The following GPC3 variants were observed in gnomAD, a reference collection of about 807,000 sequenced individuals.
GPC3 encodes the protein glypican 3.
In GPC3, 3 loss-of-function variants were observed where a neutral mutation model predicts 34.4. The ratio of observed to expected loss-of-function variants is 0.09; its 90% CI spans 0.04 to 0.23. The LOEUF (loss-of-function observed/expected upper bound fraction) is 0.23. Among genes scored for constraint, GPC3 ranks in the 10% least tolerant of loss-of-function variants. The pLI is 1.00. For missense variants in GPC3, 351 were observed against 445.6 expected (o/e 0.79, Z 1.91); for synonymous variants, 177 against 174.0 (o/e 1.02, Z -0.13).
At chrX:133,948,882 G>A (rs751101802) in intron 2 of GPC3, among the ~76,000 whole-genome samples, 46 of 111,898 alleles carry the variant, frequency 4.1e-4, no homozygotes, top group Non-Finnish European at 5.1e-4. Context: ...CAGCCTTGTC[G>A]AGGTTAATGT....
At chrX:133,636,572 C>T in intron 6 of GPC3, among the ~76,000 whole-genome samples, 1 of 112,286 alleles carries the variant, frequency 8.9e-6, no homozygotes, top group Middle Eastern at 4.6e-3. Flanking sequence ...GAGACTGAGG[C>T]AGGAGAATCG....
chrX:133,678,794 A>C (rs1306459085), intron 5 of GPC3, among the ~76,000 whole-genome samples: 3 of 112,020 alleles, frequency 2.7e-5, no homozygotes, highest in Non-Finnish European at 5.6e-5. Flanking sequence ...GGGGTTTCTT[A>C]AATAGATAAG....
At chrX:133,837,596 A>T (rs1292952820) in intron 2 of GPC3, among the ~76,000 whole-genome samples, 1 of 111,688 alleles carries the variant, frequency 9.0e-6, no homozygotes, top group African/African-American at 3.3e-5. Flanking sequence ...GATTTGGAGT[A>T]ATAGTGATAA....
chrX:133,819,904 T>G (rs2075710974), intron 2 of GPC3, among the ~76,000 whole-genome samples: 1 of 112,322 alleles, frequency 8.9e-6, no homozygotes, highest in Non-Finnish European at 1.9e-5. Flanking sequence ...AGAATCTAGA[T>G]TCAAACCATA....
chrX:133,892,770 A>G (rs2076094020), intron 2 of GPC3, among the ~76,000 whole-genome samples: 1 of 110,665 alleles, frequency 9.0e-6, no homozygotes, highest in Admixed American at 9.7e-5. Flanking sequence ...AGGAAGGTGA[A>G]CAGGCAGTGT....
chrX:133,885,385 T>C (rs1043465169), intron 2 of GPC3, among the ~76,000 whole-genome samples: 31 of 111,815 alleles, frequency 2.8e-4, no homozygotes, highest in African/African-American at 9.7e-4. Context: ...AGAATGTAGA[T>C]AACAATCAGA....
chrX:133,766,854 A>C (rs2124490448), intron 2 of GPC3, among the ~76,000 whole-genome samples: 1 of 112,480 alleles, frequency 8.9e-6, no homozygotes, highest in East Asian at 2.8e-4. Context: ...AGGTATAATA[A>C]GAACTAGCAT....
intron 1 of GPC3, among the ~76,000 whole-genome samples, chrX:133,982,969 A>G (rs2076547982): frequency 8.9e-6 from 1 of 112,272 alleles, no homozygotes; most frequent in African/African-American, 3.2e-5. Context: ...AATACTGATG[A>G]GCTCTTTCCA....
At chrX:133,791,808 CCT>C (rs1403830549) in intron 2 of GPC3, among the ~76,000 whole-genome samples, 3 of 16,738 alleles carry the variant, frequency 1.8e-4, no homozygotes, top group Admixed American at 2.7e-3. Context: ...TTCCTTCCTT[CCT>C]TCCTTCCTTC....
intron 1 of GPC3, among the ~76,000 whole-genome samples, chrX:133,974,576 C>G (rs2076507374): frequency 9.0e-6 from 1 of 110,836 alleles, no homozygotes; most frequent in South Asian, 3.8e-4. Flanking sequence ...AAGTCTTTGG[C>G]AGGTTTTTTT....
intron 7 of GPC3, among the ~76,000 whole-genome samples, chrX:133,554,432 A>C (rs2069467167): frequency 9.1e-6 from 1 of 110,104 alleles, no homozygotes; most frequent in East Asian, 2.8e-4. Flanking sequence ...CTCGTCAAAG[A>C]ATTAGTATGT....
Position 133,842,362 on chromosome X carries a change from A to ATATATTATATTATAT in GPC3, c.338-88187_338-88186insATATAATATAATATA, listed in dbSNP as rs779329401. 2.6e-3 allele frequency among the ~76,000 whole-genome samples: 276 copies of ATATATTATATTATAT among 106,241 alleles called. 2 individuals are homozygous for ATATATTATATTATAT. The highest frequency in any genetic ancestry group is 8.9e-3 in the African/African-American group (260 of 29,221). 92.3% of individuals were successfully genotyped at this position (106,241 alleles called of 115,157 possible). A position where few individuals can be genotyped will look rare whatever the true frequency, so the allele number is the denominator to read the frequency against. On this transcript the variant is annotated intron_variant, in intron 2 of 7. Coordinates refer to ENST00000370818, the MANE Select transcript of GPC3 (RefSeq NM_004484.4). The stretch of plus-strand genomic sequence containing the variant: ...ATTAAATTTTTAAAAACTCCCCTAT[A>ATATATTATATTATAT]TATATTACATTATATTATATTATAT...
At chrX:133,658,448 G>T (rs997328913) in intron 6 of GPC3, among the ~76,000 whole-genome samples, 1 of 111,198 alleles carries the variant, frequency 9.0e-6, no homozygotes, top group African/African-American at 3.3e-5. Flanking sequence ...TTGAAATATG[G>T]GTAAATGCTA....
At chrX:133,818,522 G>A (rs1353569314) in intron 2 of GPC3, among the ~76,000 whole-genome samples, 1 of 111,714 alleles carries the variant, frequency 9.0e-6, no homozygotes. Flanking sequence ...CTGATCAGCT[G>A]TGTAATCCAA....
intron 1 of GPC3, among the ~76,000 whole-genome samples, chrX:133,962,070 T>C (rs895313581): frequency 9.0e-6 from 1 of 111,604 alleles, no homozygotes; most frequent in Non-Finnish European, 1.9e-5. Flanking sequence ...AAAGGGAAAA[T>C]TGAAGTGGTG....
At chrX:133,650,660 C>A (rs140177629) in intron 6 of GPC3, among the ~76,000 whole-genome samples, 5,270 of 111,035 alleles carry the variant, frequency 0.047, 319 homozygotes, top group African/African-American at 0.16. Flanking sequence ...AAACTGGAAA[C>A]GTTGTAGTCT....
At chrX:133,615,513 C>G (rs2070151539) in intron 6 of GPC3, among the ~76,000 whole-genome samples, 1 of 109,529 alleles carries the variant, frequency 9.1e-6, no homozygotes. Flanking sequence ...GAAAGAAAAC[C>G]AAACACCACA....
intron 2 of GPC3, among the ~76,000 whole-genome samples, chrX:133,892,056 G>A (rs929617553): frequency 2.7e-5 from 3 of 110,484 alleles, no homozygotes; most frequent in Non-Finnish European, 3.8e-5. Flanking sequence ...TAGAAACTCC[G>A]TGTTAGATAA....
At chrX:133,736,009 C>A (rs1203666506) in intron 3 of GPC3, among the ~76,000 whole-genome samples, 12 of 109,088 alleles carry the variant, frequency 1.1e-4, no homozygotes, top group Non-Finnish European at 1.9e-5. Context: ...GTCTAGTATC[C>A]AGAATATGTA....
Sources: allele counts gnomAD v4.1 joint callset (sites outside exome capture counted in the v4.1 genomes callset), GRCh38; gene constraint gnomAD v4.1.1; transcripts MANE v1.5; gene names NCBI Gene and HGNC (gene_info 2026-07-23, HGNC 2026-07-21).